The following TBC1D5 variants were observed in gnomAD, a reference collection of about 807,000 sequenced individuals.
TBC1D5 encodes the protein TBC1 domain family member 5.
Under a neutral mutation model 100.3 loss-of-function variants are expected in TBC1D5, and 75 were observed. That is an observed-to-expected ratio of 0.75 (90% CI 0.62 to 0.91). The LOEUF (loss-of-function observed/expected upper bound fraction) is 0.91, where lower values mean the gene tolerates loss of function less well. Ranked by LOEUF, TBC1D5 falls within the 40% of genes least tolerant of loss-of-function variation. TBC1D5 has a pLI of 0.00. For synonymous variants in TBC1D5, 323 were observed against 325.6 expected, an observed-to-expected ratio of 0.99 and a Z score of 0.09; for missense variants, 910 against 942.4, an observed-to-expected ratio of 0.97 and a Z score of 0.45.
chr3:17,164,975 G>A (rs1235635956), intron 21 of TBC1D5, among the ~76,000 whole-genome samples: 1 of 151,974 alleles, frequency 6.6e-6, no homozygotes. Flanking sequence ...GGCCATGGCA[G>A]AGAAGAGGTA....
intron 19 of TBC1D5, among the ~76,000 whole-genome samples, chr3:17,182,418 C>G (rs2068553768): frequency 6.6e-6 from 1 of 152,206 alleles, no homozygotes; most frequent in Non-Finnish European, 1.5e-5. Context: ...TTCCCCCTCC[C>G]ATGCAATGAG....
chr3:17,338,965 G>T (rs999396510), intron 13 of TBC1D5, among the ~76,000 whole-genome samples: 1 of 152,102 alleles, frequency 6.6e-6, no homozygotes. Context: ...ATTCACAGAG[G>T]GTTTGATGGT....
intron 18 of TBC1D5, among the ~76,000 whole-genome samples, chr3:17,185,975 T>C (rs2069001512): frequency 6.6e-6 from 1 of 151,622 alleles, no homozygotes; most frequent in Admixed American, 6.6e-5. Context: ...CTTTTTTTTT[T>C]TTAAGGAAAA....
intron 1 of TBC1D5, among the ~76,000 whole-genome samples, chr3:17,635,169 G>A (rs2063802868): frequency 6.6e-6 from 1 of 152,192 alleles, no homozygotes; most frequent in Admixed American, 6.5e-5. Context: ...CAGAGATGGG[G>A]AAGACTACAG....
chr3:17,700,070 C>T (rs542886420), intron 1 of TBC1D5: 3 of 152,028 alleles, frequency 2.0e-5, no homozygotes, highest in African/African-American at 4.8e-5. Context: ...TGTTCTAAAG[C>T]CCCACCTTCT....
intron 1 of TBC1D5, among the ~76,000 whole-genome samples, chr3:17,704,442 C>G (rs2073683617): frequency 1.3e-5 from 2 of 149,572 alleles, no homozygotes; most frequent in African/African-American, 4.9e-5. Context: ...TTGGGCACAC[C>G]TCCCAGACGG....
At chr3:17,441,349 T>G (rs1050476883) in intron 3 of TBC1D5, among the ~76,000 whole-genome samples, 5 of 152,116 alleles carry the variant, frequency 3.3e-5, no homozygotes, top group Non-Finnish European at 7.4e-5. Context: ...GAGCTGTAAA[T>G]AAAATACAAA....
chr3:17,496,282 C>T (rs2095706217), intron 3 of TBC1D5, among the ~76,000 whole-genome samples: 1 of 151,974 alleles, frequency 6.6e-6, no homozygotes, highest in South Asian at 2.1e-4. Flanking sequence ...TCCAAGTGAC[C>T]CTAATTGTAT....
chr3:17,672,458 T>A (rs1356803528), intron 1 of TBC1D5: 2 of 152,232 alleles, frequency 1.3e-5, no homozygotes, highest in African/African-American at 4.8e-5. Flanking sequence ...CACACGTTGC[T>A]GTGGCAAAAT....
intron 15 of TBC1D5, among the ~76,000 whole-genome samples, chr3:17,270,287 GTTTTC>G (rs1256370908): frequency 3.3e-5 from 5 of 152,074 alleles, no homozygotes; most frequent in African/African-American, 9.7e-5. Flanking sequence ...ACACTTGTAT[GTTTTC>G]TTTTGAGAAC....
chr3:17,292,082 T>A, intron 14 of TBC1D5, 81 bp from the exon 15 acceptor site: 1 of 1,221,430 alleles, frequency 8.2e-7, no homozygotes, highest in Non-Finnish European at 1.1e-6. Flanking sequence ...TCTAACAACT[T>A]AAGAGTCAAT....
chr3:17,439,371 A>G (rs1483105581), intron 3 of TBC1D5, among the ~76,000 whole-genome samples: 3 of 152,224 alleles, frequency 2.0e-5, no homozygotes, highest in Non-Finnish European at 4.4e-5. Flanking sequence ...AGTTCATATA[A>G]CAAACATCTA....
At chr3:17,455,475 T>C (rs1237328973) in intron 3 of TBC1D5, among the ~76,000 whole-genome samples, 2 of 144,632 alleles carry the variant, frequency 1.4e-5, no homozygotes, top group African/African-American at 5.2e-5. Context: ...TATGTGTATA[T>C]ATATGTATAT....
intron 4 of TBC1D5, among the ~76,000 whole-genome samples, chr3:17,419,293 C>T (rs1308072363): frequency 6.6e-6 from 1 of 152,100 alleles, no homozygotes; most frequent in East Asian, 1.9e-4. Flanking sequence ...GCAATAAGCC[C>T]CTGTAACCAA....
intron 1 of TBC1D5, among the ~76,000 whole-genome samples, chr3:17,673,297 CTTTCT>C (rs1298253204): frequency 5.7e-5 from 8 of 139,666 alleles, no homozygotes; most frequent in Non-Finnish European, 1.1e-4. Context: ...ATTTTCTGTA[CTTTCT>C]TTTCTTTTCT....
intron 15 of TBC1D5, among the ~76,000 whole-genome samples, chr3:17,269,775 T>C (rs891980126): frequency 1.3e-5 from 2 of 152,100 alleles, no homozygotes; most frequent in African/African-American, 4.8e-5. Flanking sequence ...GTTAAGTCAC[T>C]TAGGACTATG....
At chr3:17,169,798 CT>C (rs1277932185) in intron 19 of TBC1D5, among the ~76,000 whole-genome samples, 3 of 152,202 alleles carry the variant, frequency 2.0e-5, no homozygotes, top group African/African-American at 7.2e-5. Flanking sequence ...AGTCCCCAAC[CT>C]TTTTGGTACC....
chr3:17,233,134 ATTC>A (rs1375845603), intron 17 of TBC1D5, among the ~76,000 whole-genome samples: 1 of 152,178 alleles, frequency 6.6e-6, no homozygotes, highest in Non-Finnish European at 1.5e-5. Context: ...ATATTTAAAC[ATTC>A]TTTTTTTAAA....
chr3:17,544,435 G>C (rs1370504953), intron 2 of TBC1D5, among the ~76,000 whole-genome samples: 1 of 152,152 alleles, frequency 6.6e-6, no homozygotes, highest in African/African-American at 2.4e-5. Context: ...GGCAGATCAC[G>C]AGGTCAGGGG....
Sources: allele counts gnomAD v4.1 joint callset (sites outside exome capture counted in the v4.1 genomes callset), GRCh38; gene constraint gnomAD v4.1.1; transcripts MANE v1.5; gene names NCBI Gene and HGNC (gene_info 2026-07-23, HGNC 2026-07-21).